Variants in PSD3 observed in about 807,000 individuals in gnomAD.
PSD3 encodes PH and SEC7 domain-containing protein 3.
Under a neutral mutation model 105.5 loss-of-function variants are expected in PSD3, and 49 were observed. That is an observed-to-expected ratio of 0.46 (90% confidence interval 0.37 to 0.59). PSD3 has a LOEUF of 0.59. Among genes scored for constraint, PSD3 ranks in the 20% least tolerant of loss-of-function variants. PSD3 has a pLI of 0.00. For synonymous variants in PSD3, 557 were observed against 457.8 expected (o/e 1.22, Z -2.77); for missense variants, 1,561 against 1,263.8 (o/e 1.24, Z -3.57).
intron 1 of PSD3, among the ~76,000 whole-genome samples, chr8:19,051,773 A>G (rs1167600553): frequency 6.6e-6 from 1 of 152,198 alleles, no homozygotes; most frequent in Non-Finnish European, 1.5e-5. Context: ...CATTGTATCC[A>G]CCGTACCTAG....
At chr8:18,748,044 C>A (rs1226466899) in intron 9 of PSD3, among the ~76,000 whole-genome samples, 1 of 152,236 alleles carries the variant, frequency 6.6e-6, no homozygotes, top group Admixed American at 6.5e-5. Context: ...AATTGCTGAT[C>A]TCTCATAAAA....
At chr8:18,937,707 T>C (rs184461897) in intron 1 of PSD3, among the ~76,000 whole-genome samples, 51 of 152,318 alleles carry the variant, frequency 3.3e-4, no homozygotes, top group Middle Eastern at 3.4e-3. Flanking sequence ...TTGTTAATTA[T>C]CCTTTTCCCC....
intron 2 of PSD3, among the ~76,000 whole-genome samples, chr8:18,920,944 C>T (rs562322775): frequency 6.6e-6 from 1 of 152,256 alleles, no homozygotes; most frequent in South Asian, 2.1e-4. Flanking sequence ...ATGATAGTGA[C>T]TCCAGAATCT....
intron 9 of PSD3, among the ~76,000 whole-genome samples, chr8:18,718,742 T>A (rs927127416): frequency 6.6e-6 from 1 of 152,138 alleles, no homozygotes; most frequent in Non-Finnish European, 1.5e-5. Flanking sequence ...CAGGAAATGA[T>A]GACAGAAGAG....
intron 2 of PSD3, among the ~76,000 whole-genome samples, chr8:18,887,781 G>C (rs986202407): frequency 6.6e-6 from 1 of 152,134 alleles, no homozygotes; most frequent in Non-Finnish European, 1.5e-5. Context: ...ACAGGGTGCT[G>C]AAAAATGTGT....
chr8:18,647,605 G>GTT (rs11293600), intron 10 of PSD3, among the ~76,000 whole-genome samples: 33 of 117,768 alleles, frequency 2.8e-4, no homozygotes, highest in African/African-American at 9.6e-4. Context: ...ATTTAAAACT[G>GTT]TTTTTTTTTT....
At chr8:18,992,307 C>T in intron 1 of PSD3, among the ~76,000 whole-genome samples, 1 of 64,020 alleles carries the variant, frequency 1.6e-5, no homozygotes, top group Non-Finnish European at 5.3e-5. Context: ...GTTAGTGATA[C>T]TTAAAAAAAA....
chr8:18,972,931 C>T (rs181357822), intron 1 of PSD3, among the ~76,000 whole-genome samples: 9 of 152,244 alleles, frequency 5.9e-5, no homozygotes, highest in Non-Finnish European at 8.8e-5. Flanking sequence ...TCCTGTCCAA[C>T]GAGGTTTTAA....
chr8:18,549,763 G>C (rs1251197087), intron 15 of PSD3, among the ~76,000 whole-genome samples: 2 of 152,172 alleles, frequency 1.3e-5, no homozygotes, highest in Non-Finnish European at 2.9e-5. Flanking sequence ...GGAAGGCACT[G>C]ATCTATATCA....
At chr8:18,832,416 C>CA (rs777161895) in intron 4 of PSD3, among the ~76,000 whole-genome samples, 2 of 152,016 alleles carry the variant, frequency 1.3e-5, no homozygotes, top group Non-Finnish European at 2.9e-5. Context: ...GGATAAAACT[C>CA]AAACGTTTTG....
At chr8:18,579,541 C>T (rs1016472815) in intron 12 of PSD3, among the ~76,000 whole-genome samples, 1 of 152,240 alleles carries the variant, frequency 6.6e-6, no homozygotes, top group African/African-American at 2.4e-5. Flanking sequence ...CTCCACCATC[C>T]CAATAAACAC....
At chr8:18,636,541 G>T (rs1807268796) in intron 10 of PSD3, among the ~76,000 whole-genome samples, 1 of 152,142 alleles carries the variant, frequency 6.6e-6, no homozygotes, top group Non-Finnish European at 1.5e-5. Flanking sequence ...GTACTGTGTA[G>T]TAATGTCGTA....
At chr8:18,995,081 C>G (rs537173530) in intron 1 of PSD3, among the ~76,000 whole-genome samples, 1 of 152,164 alleles carries the variant, frequency 6.6e-6, no homozygotes, top group Non-Finnish European at 1.5e-5. Context: ...GGACTGCTTT[C>G]CAGCAAGGGA....
At chr8:18,553,060 C>G (rs1554510013) in intron 15 of PSD3, among the ~76,000 whole-genome samples, 3 of 152,080 alleles carry the variant, frequency 2.0e-5, no homozygotes, top group Non-Finnish European at 4.4e-5. Context: ...CCATGAAGCA[C>G]TGTTTGTACT....
At chr8:18,557,215 C>A (rs769210397) in intron 14 of PSD3, among the ~76,000 whole-genome samples, 2 of 152,100 alleles carry the variant, frequency 1.3e-5, no homozygotes, top group Non-Finnish European at 2.9e-5. Flanking sequence ...TGCAAATTAT[C>A]CAAATTTCAC....
chr8:18,842,351 T>G (rs1273474476), intron 4 of PSD3, among the ~76,000 whole-genome samples: 2 of 152,230 alleles, frequency 1.3e-5, no homozygotes, highest in Admixed American at 6.5e-5. Context: ...GACATAAAAA[T>G]GCTCTCATAA....
chr8:18,863,205 T>C (rs1816582359), intron 4 of PSD3, among the ~76,000 whole-genome samples: 1 of 152,244 alleles, frequency 6.6e-6, no homozygotes, highest in South Asian at 2.1e-4. Context: ...AAATGGACAA[T>C]ATCCAGCTAA....
intron 9 of PSD3, among the ~76,000 whole-genome samples, chr8:18,761,894 A>G (rs1182555263): frequency 6.6e-6 from 1 of 152,216 alleles, no homozygotes; most frequent in Non-Finnish European, 1.5e-5. Context: ...TATCTGTACT[A>G]TGTGAATCAT....
chr8:18,887,983 G>C (rs763249793), intron 2 of PSD3, among the ~76,000 whole-genome samples: 1 of 152,168 alleles, frequency 6.6e-6, no homozygotes, highest in Non-Finnish European at 1.5e-5. Flanking sequence ...AGAGAGGTGT[G>C]TGACTTGTCC....
Sources: gnomAD v4.1 joint callset for allele counts (sites outside exome capture counted in the v4.1 genomes callset) on GRCh38, gnomAD v4.1.1 for gene constraint, MANE v1.5 for transcripts, NCBI Gene and HGNC (gene_info 2026-07-23, HGNC 2026-07-21) for gene names.